ANGPTL1: variants seen among roughly 807,000 people sequenced by gnomAD.
The protein encoded by ANGPTL1 is angiopoietin-related protein 1.
A neutral mutation model predicts 46.7 loss-of-function variants in ANGPTL1; 36 were observed. That is an observed-to-expected ratio of 0.77 (90% CI 0.59 to 1.02). The LOEUF is 1.02. ANGPTL1 is among the 50% of genes least tolerant of loss of function. The pLI, the probability that ANGPTL1 is intolerant of heterozygous loss-of-function variation, is 0.00. For missense variants in ANGPTL1, 571 were observed against 594.7 expected (o/e 0.96, Z 0.41); for synonymous variants, 221 against 204.3 (o/e 1.08, Z -0.69).
In ANGPTL1 at chr1:178,853,661, C is replaced by T. The variant is rs548240641; in HGVS notation, c.950G>A (p.Gly317Asp). ...TGTTCTTTTCTGAATAACAGTCCAA[C>T]CCCCAGGGTCCAAACTGTTTTCACA... The part of the protein sequence containing the change: ...LWCENSLDPG[G>D]WTVIQKRTDG... The change falls in exon 4 of 6, where the codon GGT (glycine) becomes GAT (aspartate). Residue 317 changes from glycine to aspartate, a missense_variant. Transcript: ENST00000234816. 1 of 1,612,432 alleles carries T rather than the reference C, an allele frequency of 6.2e-7. No individual in the cohort carries two copies. Among genetic ancestry groups the T allele is most frequent in the East Asian group, 2.2e-5 (1 of 44,778 alleles).
At chr1:178,861,941 C>T (rs561474020) in intron 3 of ANGPTL1, among the ~76,000 whole-genome samples, 1 of 151,940 alleles carries the variant, frequency 6.6e-6, no homozygotes, top group African/African-American at 2.4e-5. Context: ...GGTGCGATCT[C>T]GGCTCACTGC....
At chr1:178,867,236 T>TA (rs1321255669) in intron 2 of ANGPTL1, among the ~76,000 whole-genome samples, 1 of 152,158 alleles carries the variant, frequency 6.6e-6, no homozygotes, top group East Asian at 1.9e-4. Flanking sequence ...ATGTTTTACT[T>TA]ATCACCACAA....
At chr1:178,864,847 C>T in intron 3 of ANGPTL1, 107 bp downstream of exon 3, 4 of 672,706 alleles carry the variant, frequency 5.9e-6, no homozygotes, top group Non-Finnish European at 8.6e-6. Context: ...TTTTAATGTA[C>T]ATATATAACA....
At chr1:178,853,888 T>G (rs1277951722) in intron 3 of ANGPTL1, 101 bp from the exon 4 acceptor site, 3 of 842,728 alleles carry the variant, frequency 3.6e-6, no homozygotes, top group Non-Finnish European at 5.2e-6. Context: ...TTGTTTACAG[T>G]TACCATTGTT....
chr1:178,869,542 C>A lies in ANGPTL1; in HGVS notation c.-136-319G>T, dbSNP rs192529436. The stretch of plus-strand genomic sequence containing the variant: ...AGGCTTAATGAAGTCCTGCACTTCC[C>A]ATAGCATGCAACAACAAAAAAGAGA... On this transcript the variant is annotated intron_variant, in intron 1 of 5. Coordinates refer to ENST00000234816, the MANE Select transcript of ANGPTL1 (RefSeq NM_004673.4). Among the ~76,000 whole-genome samples, 6 of 152,112 alleles carry A rather than the reference C, an allele frequency of 3.9e-5. No homozygotes were observed. In the East Asian group the frequency reaches 7.7e-4, roughly 20 times the overall value.
rs992436349 is a variant in ANGPTL1, at chr1:178,851,303, G to C, written c.1302C>G (p.His434Gln). ...TGTACCACCAGCCTCCTTTATGAAAGTGGGCGCAGTTTCCTTTGAGGAAAA... is the reference window on the plus strand; with the variant it reads ...TGTACCACCAGCCTCCTTTATGAAACTGGGCGCAGTTTCCTTTGAGGAAAA... ...DKDMYAGNCA[H>Q]FHKGGWWYNA... The change falls in exon 6 of 6, where the codon CAC becomes CAG. Residue 434 changes from histidine (H) to glutamine (Q), a missense_variant. Coordinates refer to ENST00000234816, the MANE Select transcript of ANGPTL1 (RefSeq NM_004673.4). 9 of 1,608,792 alleles carry C rather than the reference G, an allele frequency of 5.6e-6. No homozygotes were observed. The highest frequency in any genetic ancestry group is 3.4e-5 in the Admixed American group (2 of 59,186).
chr1:178,861,884 G>A (rs1425917435), intron 3 of ANGPTL1, among the ~76,000 whole-genome samples: 1 of 152,048 alleles, frequency 6.6e-6, no homozygotes, highest in East Asian at 1.9e-4. Flanking sequence ...TGTTGTAGTT[G>A]TTGTTGTTGT....
At chr1:178,864,106 T>C (rs1337751589) in intron 3 of ANGPTL1, among the ~76,000 whole-genome samples, 1 of 152,046 alleles carries the variant, frequency 6.6e-6, no homozygotes, top group Non-Finnish European at 1.5e-5. Context: ...AAAATAAACA[T>C]AAAATACTGA....
At chr1:178,857,506 T>C (rs937570812) in intron 3 of ANGPTL1, among the ~76,000 whole-genome samples, 3 of 152,200 alleles carry the variant, frequency 2.0e-5, no homozygotes, top group African/African-American at 7.2e-5. Flanking sequence ...GATGGAGTTA[T>C]GTAGCGCACA....
chr1:178,855,679 A>G (rs567916764), intron 3 of ANGPTL1, among the ~76,000 whole-genome samples: 3 of 151,878 alleles, frequency 2.0e-5, no homozygotes, highest in African/African-American at 7.2e-5. Context: ...ATTCGTTATA[A>G]ACATATTTTC....
chr1:178,868,558 A>T (rs1395893324), intron 2 of ANGPTL1, among the ~76,000 whole-genome samples: 1 of 152,036 alleles, frequency 6.6e-6, no homozygotes, highest in African/African-American at 2.4e-5. Flanking sequence ...TTAATACCAG[A>T]CACAGATTTT....
intron 5 of ANGPTL1, among the ~76,000 whole-genome samples, chr1:178,851,857 G>A (rs1472357547): frequency 6.6e-6 from 1 of 152,108 alleles, no homozygotes; most frequent in East Asian, 1.9e-4. Context: ...AGAAAAACCA[G>A]TTTGGGACAG....
At chr1:178,855,300 T>C (rs1401199670) in intron 3 of ANGPTL1, among the ~76,000 whole-genome samples, 1 of 151,064 alleles carries the variant, frequency 6.6e-6, no homozygotes, top group African/African-American at 2.4e-5. Context: ...CAGAGACTTT[T>C]TTTTTTTTTT....
rs114222276 is a variant in ANGPTL1, at chr1:178,853,033, C to G, written c.1018-80G>C. ...TTTTTACAGAGCAGTGTTAAACATT[C>G]GATAGCATAAAGATACTGGCCATTT... is the stretch of plus-strand genomic sequence containing the variant. On this transcript the variant is annotated intron_variant, in intron 4 of 5. Transcript: ENST00000234816. 1.1e-3 allele frequency: 1,582 copies of G among 1,504,514 alleles called. 19 individuals are homozygous for G. The African/African-American group carries it at 0.02, about 19-fold the overall frequency. 93.2% of individuals were successfully genotyped at this position (1,504,514 alleles called of 1,614,324 possible). A position where few individuals can be genotyped will look rare whatever the true frequency, so the allele number is the denominator to read the frequency against.
intron 3 of ANGPTL1, among the ~76,000 whole-genome samples, chr1:178,861,451 T>G (rs1016218014): frequency 1.5e-5 from 2 of 135,668 alleles, no homozygotes; most frequent in African/African-American, 5.5e-5. Flanking sequence ...CATTCGTGGG[T>G]TTTTTTTTTT....
At chr1:178,868,967 A>G (rs1017472740) in intron 2 of ANGPTL1, 147 bp downstream of exon 2, 1 of 152,028 alleles carries the variant, frequency 6.6e-6, no homozygotes, top group African/African-American at 2.4e-5. Flanking sequence ...TTTTCTGAAA[A>G]CATTCTCTTA....
intron 3 of ANGPTL1, among the ~76,000 whole-genome samples, chr1:178,855,411 G>T (rs893109266): frequency 3.3e-5 from 5 of 150,840 alleles, no homozygotes; most frequent in Non-Finnish European, 5.9e-5. Flanking sequence ...AAAAGTACAC[G>T]CAAAAATCAA....
intron 5 of ANGPTL1, 149 bp from the exon 6 acceptor site, chr1:178,851,465 C>T (rs1657170933): frequency 1.5e-6 from 1 of 648,732 alleles, no homozygotes; most frequent in Non-Finnish European, 2.4e-6. Context: ...CCTTCACTTA[C>T]TTGATGGCTG....
intron 1 of ANGPTL1, among the ~76,000 whole-genome samples, chr1:178,870,027 T>C (rs999324819): frequency 6.6e-5 from 10 of 152,176 alleles, no homozygotes; most frequent in African/African-American, 2.4e-4. Context: ...ACTTACATAA[T>C]GCTTTTGTGT....
Sources: gnomAD v4.1 joint callset for allele counts (sites outside exome capture counted in the v4.1 genomes callset) on GRCh38, gnomAD v4.1.1 for gene constraint, MANE v1.5 for transcripts, NCBI Gene and HGNC (gene_info 2026-07-23, HGNC 2026-07-21) for gene names.